The following TPTE2 variants were observed in gnomAD, a reference collection of about 807,000 sequenced individuals.
TPTE2 encodes the protein transmembrane phosphoinositide 3-phosphatase and tensin homolog 2.
Under a neutral mutation model 78.6 loss-of-function variants are expected in TPTE2, and 53 were observed. The observed-to-expected ratio is 0.67, with a 90% CI of 0.54 to 0.85. The LOEUF (loss-of-function observed/expected upper bound fraction) is 0.85. Ranked by LOEUF, TPTE2 falls within the 40% of genes least tolerant of loss-of-function variation. TPTE2 has a pLI of 0.00. For synonymous variants in TPTE2, 175 were observed against 206.2 expected (o/e 0.85, Z 1.30); for missense variants, 461 against 623.0 (o/e 0.74, Z 2.77).
chr13:19,546,679 G>T, the TPTE2 span, among the ~76,000 whole-genome samples: 7 of 151,458 alleles, frequency 4.6e-5, no homozygotes, highest in Non-Finnish European at 2.9e-5. Context: ...TAGTAGAGAT[G>T]GGGTTTCAAC....
At chr13:19,483,708 A>C (rs1031789915) in intron 3 of TPTE2, among the ~76,000 whole-genome samples, 1 of 151,988 alleles carries the variant, frequency 6.6e-6, no homozygotes, top group Non-Finnish European at 1.5e-5. Context: ...TAGTTTCTTG[A>C]GGTAGAATTG....
At chr13:19,434,907 C>T (rs1471243693) in intron 15 of TPTE2, among the ~76,000 whole-genome samples, 13 of 152,214 alleles carry the variant, frequency 8.5e-5, no homozygotes, top group Non-Finnish European at 4.4e-5. Context: ...TCAAAAGTTA[C>T]TTTCTCTGAA....
At chr13:19,430,525 G>A in exon 17 of TPTE2, 1 of 1,610,774 alleles carries the variant, frequency 6.2e-7, no homozygotes, top group Non-Finnish European at 8.5e-7. Flanking sequence ...TTACTACTTG[G>A]ACTTTTAGAT....
intron 19 of TPTE2, among the ~76,000 whole-genome samples, chr13:19,424,501 A>G (rs1454155202): frequency 1.3e-5 from 2 of 152,164 alleles, no homozygotes; most frequent in Non-Finnish European, 2.9e-5. Context: ...CTTCTCCCAG[A>G]TATAAGTGTG....
At chr13:19,459,366 G>A (rs1277028001) in intron 10 of TPTE2, among the ~76,000 whole-genome samples, 2 of 152,126 alleles carry the variant, frequency 1.3e-5, no homozygotes, top group Non-Finnish European at 1.5e-5. Context: ...CCTTCCTTTG[G>A]AAGCTTCATC....
intron 10 of TPTE2, among the ~76,000 whole-genome samples, chr13:19,452,616 G>T (rs1225293815): frequency 6.6e-6 from 1 of 152,098 alleles, no homozygotes; most frequent in Non-Finnish European, 1.5e-5. Context: ...ACAATGAAAT[G>T]CCATTTGCAC....
intron 1 of TPTE2, among the ~76,000 whole-genome samples, chr13:19,502,609 G>A (rs1262699036): frequency 6.8e-6 from 1 of 147,952 alleles, no homozygotes; most frequent in East Asian, 2.0e-4. Context: ...GAGATCACAT[G>A]GACACAGGAA....
chr13:19,446,579 A>G (rs1252043317), intron 13 of TPTE2, among the ~76,000 whole-genome samples: 2 of 152,336 alleles, frequency 1.3e-5, no homozygotes, highest in African/African-American at 4.8e-5. Context: ...GGTGAATTTC[A>G]TAAACATGAC....
chr13:19,427,669 G>A (rs1876239387), intron 17 of TPTE2, among the ~76,000 whole-genome samples: 1 of 152,104 alleles, frequency 6.6e-6, no homozygotes, highest in South Asian at 2.1e-4. Context: ...GGGAGAGTGG[G>A]GTCCCCCTGC....
chr13:19,451,293 C>A, intron 10 of TPTE2, 68 bp from the exon 14 acceptor site: 2 of 1,595,346 alleles, frequency 1.3e-6, no homozygotes, highest in Non-Finnish European at 1.7e-6. Flanking sequence ...CTAGGGGGAA[C>A]CTAAAATGGT....
chr13:19,532,837 T>C (rs1240602104), intron 1 of TPTE2, among the ~76,000 whole-genome samples: 1 of 152,144 alleles, frequency 6.6e-6, no homozygotes, highest in African/African-American at 2.4e-5. Context: ...CCCCTACCTT[T>C]AAGGAGATCA....
intron 13 of TPTE2, among the ~76,000 whole-genome samples, chr13:19,447,282 C>CA (rs1819911792): frequency 6.6e-6 from 1 of 151,576 alleles, no homozygotes; most frequent in South Asian, 2.1e-4. Context: ...CCCCTCTCAG[C>CA]AAAAAAGAAA....
rs372954416 is a variant in TPTE2 at position 19,433,155 on chromosome 13, C to G, written c.1117-577G>C. ...GGGCAAGCTGTTCACAACGGCTCTC[C>G]CCTGAATCTTTCTTCAAGGTATTGA... is the stretch of plus-strand genomic sequence containing the variant. On this transcript the variant is annotated intron_variant, in intron 15 of 19. Coordinates refer to ENST00000400230, the Ensembl canonical transcript of TPTE2. Among the ~76,000 whole-genome samples the G allele has an allele frequency of 7.2e-5, 11 of 152,168 alleles. No homozygotes were observed. In the South Asian group the frequency reaches 1.0e-3, roughly 14 times the overall value.
At chr13:19,502,411 G>A (rs984856312) in intron 1 of TPTE2, among the ~76,000 whole-genome samples, 11 of 151,542 alleles carry the variant, frequency 7.3e-5, no homozygotes, top group Admixed American at 1.3e-4. Flanking sequence ...ATGTCCAACA[G>A]TGATAGACTG....
At position 19,486,056 on chromosome 13, in the gene TPTE2, G is replaced by A. The variant is rs1458469945; in HGVS notation, c.120-3509C>T. On this transcript the variant is annotated intron_variant, in intron 3 of 19. Transcript: ENST00000400230. The surrounding 1 kb of genome is among the most constrained non-coding windows in gnomAD (Gnocchi z 4.3). The stretch of plus-strand genomic sequence containing the variant: ...TACTGGATAATTATTATTTCCCTTT[G>A]TAGATGACATGTTTTCTTGCATTTT... Among the ~76,000 whole-genome samples the A allele has an allele frequency of 6.6e-6, 1 of 151,872 alleles. No homozygotes were observed. The highest frequency in any genetic ancestry group is 1.5e-5 in the Non-Finnish European group (1 of 67,984).
intron 1 of TPTE2, among the ~76,000 whole-genome samples, chr13:19,523,696 A>C (rs1049840394): frequency 6.6e-6 from 1 of 152,042 alleles, no homozygotes; most frequent in Non-Finnish European, 1.5e-5. Context: ...GGCTGGTCTC[A>C]AACTCCTGAC....
At chr13:19,510,191 T>C (rs1869337385) in intron 1 of TPTE2, among the ~76,000 whole-genome samples, 4 of 152,220 alleles carry the variant, frequency 2.6e-5, no homozygotes, top group African/African-American at 9.6e-5. Context: ...CATAAAGCGA[T>C]AGTCCAAACT....
the TPTE2 span, chr13:19,560,815 G>T: frequency 6.6e-7 from 1 of 1,512,800 alleles, no homozygotes; most frequent in East Asian, 2.4e-5. Context: ...CGCCCACCCC[G>T]GACGCGGTCC....
intron 10 of TPTE2, among the ~76,000 whole-genome samples, chr13:19,458,246 A>G (rs985224010): frequency 6.6e-6 from 1 of 152,220 alleles, no homozygotes; most frequent in Non-Finnish European, 1.5e-5. Context: ...ACCACAAGCC[A>G]GTCTTAGTTT....
Sources: gnomAD v4.1 joint callset for allele counts (sites outside exome capture counted in the v4.1 genomes callset) on GRCh38, gnomAD v4.1.1 for gene constraint, Gnocchi (gnomAD v3.1) non-coding constraint, MANE v1.5 for transcripts, NCBI Gene and HGNC (gene_info 2026-07-23, HGNC 2026-07-21) for gene names.